The following PFAS variants were observed in gnomAD, a reference collection of about 807,000 sequenced individuals.
PFAS encodes FGAM synthase.
Under a neutral mutation model 140.6 loss-of-function variants are expected in PFAS, and 97 were observed. The ratio of observed to expected loss-of-function variants is 0.69; its 90% CI spans 0.59 to 0.82. The LOEUF (loss-of-function observed/expected upper bound fraction) is 0.82, where lower values mean the gene tolerates loss of function less well. Ranked by LOEUF, PFAS falls within the 40% of genes least tolerant of loss-of-function variation. The probability of loss-of-function intolerance (pLI) is 0.00; values close to 1 mark genes in which losing one functional copy is unlikely to be tolerated. For missense variants in PFAS, 1,656 were observed against 1,780.2 expected, an observed-to-expected ratio of 0.93 and a Z score of 1.26; for synonymous variants, 679 against 718.8, an observed-to-expected ratio of 0.94 and a Z score of 0.88.
rs368394729 is a variant in PFAS at position 8,249,559 on chromosome 17, T to A, written c.-80+220T>A. 3.9e-5 allele frequency: 6 copies of A among 152,348 alleles called. No homozygotes were observed. The East Asian group carries it at 1.2e-3, about 29-fold the overall frequency. 9.4% of individuals were successfully genotyped at this position (152,348 alleles called of 1,614,324 possible). On this transcript the variant is annotated intron_variant, in intron 1 of 27. Transcript: ENST00000314666. ...GACCCCCATGTAAATTTAGCCCCATTGTCCCATTCATGGATTCAGCTAACA... is the reference window on the plus strand; with the variant it reads ...GACCCCCATGTAAATTTAGCCCCATAGTCCCATTCATGGATTCAGCTAACA...
chr17:8,268,009 T>C (rs923158865), intron 26 of PFAS, among the ~76,000 whole-genome samples: 1 of 134,278 alleles, frequency 7.4e-6, no homozygotes, highest in African/African-American at 2.7e-5. Flanking sequence ...ATATTATTTA[T>C]ATATATTATT....
In PFAS at chr17:8,262,668, C is replaced by T. The variant is rs191385663; in HGVS notation, c.1337-252C>T. On this transcript the variant is annotated intron_variant, in intron 11 of 27. Transcript: ENST00000314666. Reference sequence around the variant, plus strand: ...AAAATTAGCCGGGCACGATAGCAGGCGCCTGTAGTCCCAGCTACTCAGGAG... The same window carrying T: ...AAAATTAGCCGGGCACGATAGCAGGTGCCTGTAGTCCCAGCTACTCAGGAG... Among the ~76,000 whole-genome samples the T allele has an allele frequency of 9.6e-4, 146 of 152,182 alleles. 1 individual carries two copies. Among genetic ancestry groups the T allele is most frequent in the Admixed American group, 8.2e-3 (125 of 15,270 alleles).
At chr17:8,263,055 G>A in intron 12 of PFAS, 54 bp from the exon 13 acceptor site, 3 of 1,609,810 alleles carry the variant, frequency 1.9e-6, no homozygotes, top group East Asian at 4.5e-5. Context: ...GCATAGGGGA[G>A]CGTATAGGAG....
rs896549900 is a variant in PFAS at position 8,267,297 on chromosome 17, G to C, written c.3175+62G>C. ...GCACTGAGCCTGGATGCCTGGGCCT[G>C]CCCTCAGAAAGGTGTCTGGGGAGTT... On this transcript the variant is annotated intron_variant, in intron 24 of 27. Transcript: ENST00000314666. This position sits in a 1 kb window ranked among gnomAD's most constrained non-coding sequence, Gnocchi z 4.9. 6.3e-7 allele frequency: 1 copy of C among 1,583,060 alleles called. No individual in the cohort carries two copies. Among genetic ancestry groups the C allele is most frequent in the Non-Finnish European group, 8.7e-7 (1 of 1,153,260 alleles).
chr17:8,254,994 T>G, intron 3 of PFAS, 33 bp from the exon 4 acceptor site: 1 of 1,508,626 alleles, frequency 6.6e-7, no homozygotes, highest in Non-Finnish European at 9.2e-7. Flanking sequence ...TGCCGGGGGT[T>G]CTCCAGTCCT....
intron 1 of PFAS, chr17:8,249,589 G>A (rs912256667): frequency 1.3e-5 from 2 of 152,218 alleles, no homozygotes; most frequent in Admixed American, 1.3e-4. Flanking sequence ...CTAACAGAAA[G>A]ACTGCCGGCC....
At chr17:8,249,841 C>G (rs987705263) in intron 1 of PFAS, among the ~76,000 whole-genome samples, 1 of 152,132 alleles carries the variant, frequency 6.6e-6, no homozygotes, top group African/African-American at 2.4e-5. Flanking sequence ...GTTTCAAGCC[C>G]TGGTATTGTT....
rs779613697 is a variant in PFAS at position 8,263,637 on chromosome 17, G to GCT, written c.1629+1_1629+2insCT. On this transcript the variant is annotated splice_donor_variant, in intron 14 of 27. Coordinates refer to ENST00000314666, the MANE Select transcript of PFAS (RefSeq NM_012393.3). LOFTEE classifies it high-confidence loss of function. ...CATCATTTACACCAGCCGCTTCCAG[G>GCT]TGGGTCTCGTCCCCTGAAGTGTGAC... 4 of 1,613,734 alleles carry GCT rather than the reference G, an allele frequency of 2.5e-6. No homozygotes were observed. The East Asian group carries it at 8.9e-5, about 36-fold the overall frequency.
chr17:8,254,327 T>A (rs1375999104), intron 3 of PFAS, 26 bp downstream of exon 3: 9 of 1,612,384 alleles, frequency 5.6e-6, no homozygotes, highest in Non-Finnish European at 7.6e-6. Flanking sequence ...TGCCCACCCC[T>A]TTCTTCTGCT....
chr17:8,263,059 ATAGGAGCTTC>A (rs1989658338), intron 12 of PFAS, 40 bp from the exon 13 acceptor site: 3 of 1,610,726 alleles, frequency 1.9e-6, no homozygotes, highest in African/African-American at 1.3e-5. Flanking sequence ...AGGGGAGCGT[ATAGGAGCTTC>A]CAGTCTCGCT....
chr17:8,260,559 T>C (rs1027257176), intron 11 of PFAS, among the ~76,000 whole-genome samples: 1 of 152,242 alleles, frequency 6.6e-6, no homozygotes, highest in African/African-American at 2.4e-5. Context: ...ATTGGGGTTG[T>C]TTCAGCTTTT....
At position 8,256,248 on chromosome 17, in the gene PFAS, C is replaced by A. The variant is rs755786686; in HGVS notation, c.681-19C>A. 6.2e-7 allele frequency: 1 copy of A among 1,611,438 alleles called. No individual in the cohort carries two copies. The highest frequency in any genetic ancestry group is 8.5e-7 in the Non-Finnish European group (1 of 1,178,826). The stretch of plus-strand genomic sequence containing the variant: ...CCCCGTTTCCACCTGCCTTCCCCTC[C>A]CTGCATCGCCCCCTGCAGCGAGCAC... On this transcript the variant is annotated intron_variant, in intron 6 of 27. Coordinates refer to ENST00000314666, the MANE Select transcript of PFAS (RefSeq NM_012393.3).
intron 20 of PFAS, 34 bp downstream of exon 20, chr17:8,265,673 C>G: frequency 6.3e-7 from 1 of 1,576,108 alleles, no homozygotes; most frequent in South Asian, 1.1e-5. Flanking sequence ...GTGATCTTTG[C>G]TTGTGTGATC....
chr17:8,254,128 G>T (rs1252568125), intron 2 of PFAS, 38 bp from the exon 3 acceptor site: 1 of 1,613,932 alleles, frequency 6.2e-7, no homozygotes, highest in East Asian at 2.2e-5. Flanking sequence ...GGTGCTGGGG[G>T]CAGTGTCTCA....
chr17:8,256,376 A>C lies in PFAS; in HGVS notation c.790A>C (p.Asn264His). ...IMSTQESSNP[N>H]NVLKFCDNSS... is the part of the protein sequence containing the mutation. The stretch of plus-strand genomic sequence containing the variant: ...GAGCACCCAGGAATCCTCGAACCCC[A>C]ACAACGTCCTCAAATTCTGTGATAA... The change falls in exon 7 of 28, where the codon AAC becomes CAC. Residue 264 changes from asparagine to histidine, a missense_variant. By Grantham distance (68) the Asn-to-His change is moderately conservative. This residue lies in a region of PFAS where 773 missense variants were observed against 757.3 expected (regional missense o/e 1.02). Coordinates refer to ENST00000314666, the MANE Select transcript of PFAS (RefSeq NM_012393.3). The C allele has an allele frequency of 6.2e-7, 1 of 1,614,074 alleles. No homozygotes were observed. Among genetic ancestry groups the C allele is most frequent in the Non-Finnish European group, 8.5e-7 (1 of 1,180,032 alleles).
In PFAS at chr17:8,266,190, G is replaced by A. The variant is rs370247065; in HGVS notation, c.2702-44G>A. 53 of 1,610,298 alleles carry A rather than the reference G, an allele frequency of 3.3e-5. No individual in the cohort carries two copies. The highest frequency in any genetic ancestry group is 1.3e-4 in the South Asian group (12 of 90,616). On this transcript the variant is annotated intron_variant, in intron 21 of 27. Coordinates refer to ENST00000314666, the MANE Select transcript of PFAS (RefSeq NM_012393.3). The surrounding 1 kb of genome is among the most constrained non-coding windows in gnomAD (Gnocchi z 5.0). ...TCCGGAAGGTGGGGTGGGGCTGTCA[G>A]GTTTGGGTCCCGAGGTTGCTGAGCT...
intron 4 of PFAS, 93 bp from the exon 5 acceptor site, chr17:8,255,409 T>C (rs1989319284): frequency 2.0e-6 from 2 of 1,002,510 alleles, no homozygotes; most frequent in African/African-American, 3.3e-5. Context: ...GGCAGTGGGC[T>C]AGCCTTGCAT....
chr17:8,263,965 A>G (rs377537259), intron 15 of PFAS, 29 bp downstream of exon 15: 1 of 1,608,026 alleles, frequency 6.2e-7, no homozygotes, highest in Non-Finnish European at 8.5e-7. Context: ...TTGGGAGCAA[A>G]CACTGGGGCA....
chr17:8,251,294 AAAAG>A (rs1989140986), intron 1 of PFAS, among the ~76,000 whole-genome samples: 2 of 152,160 alleles, frequency 1.3e-5, no homozygotes, highest in South Asian at 2.1e-4. Context: ...CAAAAAAAGA[AAAAG>A]AAAGACGGGG....
Sources: allele counts gnomAD v4.1 joint callset (sites outside exome capture counted in the v4.1 genomes callset), GRCh38; gene constraint gnomAD v4.1.1; regional missense constraint gnomAD v4.1.1; non-coding constraint Gnocchi (gnomAD v3.1); transcripts MANE v1.5; gene names NCBI Gene and HGNC (gene_info 2026-07-23, HGNC 2026-07-21).